DYRK3: variants seen among roughly 807,000 people sequenced by gnomAD.
DYRK3 encodes the protein dual specificity tyrosine-phosphorylation-regulated kinase 3.
A neutral mutation model predicts 40.8 loss-of-function variants in DYRK3; 30 were observed. That is an observed-to-expected ratio of 0.74 (90% CI 0.55 to 1.00). DYRK3 has a LOEUF of 1.00. Among genes scored for constraint, DYRK3 ranks in the 50% least tolerant of loss-of-function variants. DYRK3 has a pLI of 0.00. For missense variants in DYRK3, 699 were observed against 731.5 expected (o/e 0.96, Z 0.51); for synonymous variants, 272 against 260.7 (o/e 1.04, Z -0.42).
Position 206,647,718 on chromosome 1 carries a change from A to G in DYRK3, c.520A>G (p.Asn174Asp). 6.2e-7 allele frequency: 1 copy of G among 1,614,180 alleles called. No homozygotes were observed. Among genetic ancestry groups the G allele is most frequent in the Non-Finnish European group, 8.5e-7 (1 of 1,180,038 alleles). The change falls in exon 3 of 3, where the codon AAT (asparagine) becomes GAT (aspartate). Residue 174 changes from asparagine (N) to aspartate (D), a missense_variant. Transcript: ENST00000367109. ...TCCAGAAATTTACTTTGTAGGTCCA[A>G]ATGCCAAGAAAAGACATGGAGTTAT... ...NYPEIYFVGP[N>D]AKKRHGVIGG...
intron 2 of DYRK3, among the ~76,000 whole-genome samples, chr1:206,642,527 C>A (rs1671320432): frequency 6.6e-6 from 1 of 152,164 alleles, no homozygotes; most frequent in Non-Finnish European, 1.5e-5. Flanking sequence ...TTGGAACCAA[C>A]CCACATGTTC....
chr1:206,639,555 G>A (rs542203167), intron 2 of DYRK3, among the ~76,000 whole-genome samples: 23 of 141,236 alleles, frequency 1.6e-4, no homozygotes, highest in African/African-American at 5.0e-4. Context: ...GCAACCTCCC[G>A]GGTTCAAGTG....
chr1:206,637,022 A>G (rs1553418488), intron 1 of DYRK3: 1 of 1,343,730 alleles, frequency 7.4e-7, no homozygotes, highest in Admixed American at 1.7e-5. Context: ...TTGCTGTAGT[A>G]CTTACTGTAT....
In DYRK3 at chr1:206,647,878, A is replaced by G. The variant is rs573734568; in HGVS notation, c.680A>G (p.Tyr227Cys). The change falls in exon 3 of 3, where the codon TAT (tyrosine) becomes TGT (cysteine). Residue 227 changes from tyrosine (Y) to cysteine (C), a missense_variant. Transcript: ENST00000367109. ...AGTTTTGGGCAGGTGGCCAGGGTCT[A>G]TGATCACAAACTTCGACAGTACGTG... The part of the protein sequence containing the change: ...KGSFGQVARV[Y>C]DHKLRQYVAL... 36 of 1,614,108 alleles carry G rather than the reference A, an allele frequency of 2.2e-5. No individual in the cohort carries two copies. The highest frequency in any genetic ancestry group is 1.1e-4 in the East Asian group (5 of 44,868).
chr1:206,648,251 C>G lies in DYRK3; in HGVS notation c.1053C>G (p.Thr351=), dbSNP rs782481627. ...ILLKHHGRSS[T]KVIDFGSSCF... is the part of the protein sequence containing the mutation. The stretch of plus-strand genomic sequence containing the variant: ...TGAAACACCACGGGCGCAGTTCAAC[C>G]AAGGTCATTGACTTTGGGTCCAGCT... The change falls in exon 3 of 3, where the codon ACC becomes ACG. Residue 351 remains threonine (T), a synonymous_variant. Transcript: ENST00000367109. 3.7e-6 allele frequency: 6 copies of G among 1,614,158 alleles called. 1 individual carries two copies. In the South Asian group the frequency reaches 5.5e-5, roughly 15 times the overall value.
rs1553421593 is a variant in DYRK3 at position 206,653,890 on chromosome 1, C to T, written c.*4925C>T. Among the ~76,000 whole-genome samples the T allele has an allele frequency of 2.0e-5, 3 of 152,160 alleles. No homozygotes were observed. The highest frequency in any genetic ancestry group is 7.2e-5 in the African/African-American group (3 of 41,434). ...ACAGGTTAGCTGGCTAATGTCATTA[C>T]AATTTAGTTTTTGTGACAATCTGTT... On this transcript the variant is annotated 3_prime_UTR_variant, in exon 3 of 3. Coordinates refer to ENST00000367109, the MANE Select transcript of DYRK3 (RefSeq NM_003582.4).
At position 206,652,024 on chromosome 1, in the gene DYRK3, GAC is replaced by G. The variant is rs1438799387; in HGVS notation, c.*3062_*3063del. 2.6e-5 allele frequency among the ~76,000 whole-genome samples: 4 copies of G among 152,276 alleles called. No individual in the cohort carries two copies. In the South Asian group the frequency reaches 6.2e-4, roughly 24 times the overall value. ...AGCCAGCAGCAGTGTCAAGACAGCTGACACTGTCTTCCAAGAGTGAATGCATT... is the reference window on the plus strand; with the variant it reads ...AGCCAGCAGCAGTGTCAAGACAGCTGACTGTCTTCCAAGAGTGAATGCATT... On this transcript the variant is annotated 3_prime_UTR_variant, in exon 3 of 3. Coordinates refer to ENST00000367109, the MANE Select transcript of DYRK3 (RefSeq NM_003582.4).
In DYRK3 at chr1:206,635,759, G is replaced by A. The variant is rs201210204; in HGVS notation, c.56G>A (p.Gly19Glu). Residue 19 changes from glycine (G) to glutamate (E), a missense_variant, in exon 1 of 3, where the codon GGG (glycine) becomes GAG (glutamate). Gly to Glu is a moderately conservative substitution (Grantham distance 98, BLOSUM62 -2). Coordinates refer to ENST00000367109, the MANE Select transcript of DYRK3 (RefSeq NM_003582.4). ...AAGGATGCGGGGCCGCCTGGGGCCG[G>A]GCTCCCGCCCCAGCAGCGGAGGTAA... ...GRKDAGPPGA[G>E]LPPQQRRLGD... 3 of 1,244,700 alleles carry A rather than the reference G, an allele frequency of 2.4e-6. No individual in the cohort carries two copies. The highest frequency in any genetic ancestry group is 8.4e-5 in the Admixed American group (2 of 23,750). 77.1% of individuals were successfully genotyped at this position (1,244,700 alleles called of 1,614,324 possible).
chr1:206,646,367 T>C (rs1010329614), intron 2 of DYRK3, among the ~76,000 whole-genome samples: 1 of 152,208 alleles, frequency 6.6e-6, no homozygotes, highest in Non-Finnish European at 1.5e-5. Context: ...GTTCAAAGAA[T>C]CTTAATTCAG....
intron 2 of DYRK3, 146 bp downstream of exon 2, chr1:206,637,907 G>T: frequency 3.4e-6 from 2 of 579,776 alleles, no homozygotes; most frequent in Non-Finnish European, 6.0e-6. Flanking sequence ...GAATAACAAT[G>T]TCTGTGGTCC....
Position 206,649,189 on chromosome 1 carries a change from G to A in DYRK3, c.*224G>A, listed in dbSNP as rs1469256134. ...ATATGCATTAAATGACTTTTTATAG[G>A]TCAATGCATCTTTGTTATTATCGTC... On this transcript the variant is annotated 3_prime_UTR_variant, in exon 3 of 3. Transcript: ENST00000367109. 7 of 496,292 alleles carry A rather than the reference G, an allele frequency of 1.4e-5. No individual in the cohort carries two copies. Among genetic ancestry groups the A allele is most frequent in the Non-Finnish European group, 2.5e-5 (7 of 280,910 alleles). The allele number at this position is 496,292 out of a possible 1,614,324, so 30.7% of individuals were successfully genotyped here.
At position 206,648,686 on chromosome 1, in the gene DYRK3, A is replaced by T. The variant is rs1209270227; in HGVS notation, c.1488A>T (p.Ile496=). ...AAGGGTGTGATGACTACTTGTTTAT[A>T]GAGTTCTTGAAAAGGTGTCTTCACT... ...ALKGCDDYLF[I]EFLKRCLHWD... is the part of the protein sequence containing the mutation. The change falls in exon 3 of 3, where the codon ATA becomes ATT. Residue 496 remains isoleucine, a synonymous_variant. Coordinates refer to ENST00000367109, the MANE Select transcript of DYRK3 (RefSeq NM_003582.4). The T allele has an allele frequency of 1.9e-6, 3 of 1,613,884 alleles. No homozygotes were observed. The highest frequency in any genetic ancestry group is 2.5e-6 in the Non-Finnish European group (3 of 1,179,946).
At position 206,654,519 on chromosome 1, in the gene DYRK3, C is replaced by T. The variant is rs1164529810; in HGVS notation, c.*5554C>T. On this transcript the variant is annotated 3_prime_UTR_variant, in exon 3 of 3. Transcript: ENST00000367109. ...CTAGTTTTAAATATATTTTTAATATCCCCATTTTAACATACTCCATTTTCA... is the reference window on the plus strand; with the variant it reads ...CTAGTTTTAAATATATTTTTAATATTCCCATTTTAACATACTCCATTTTCA... Among the ~76,000 whole-genome samples, 1 of 152,204 alleles carries T rather than the reference C, an allele frequency of 6.6e-6. No individual in the cohort carries two copies. The highest frequency in any genetic ancestry group is 1.5e-5 in the Non-Finnish European group (1 of 68,042).
At chr1:206,636,855 T>A (rs1406641689) in intron 1 of DYRK3, 1 of 1,532,814 alleles carries the variant, frequency 6.5e-7, no homozygotes, top group African/African-American at 1.4e-5. Flanking sequence ...ATCCTCTCCG[T>A]CTTTTGTGTT....
chr1:206,635,666 A>C lies in DYRK3; in HGVS notation c.-38A>C, dbSNP rs1249743224. ...GGTGGCGTGGCCGACCGGACCCCCA[A>C]CTGGCGCCTCTCCCCGCGCGGGGTC... On this transcript the variant is annotated 5_prime_UTR_variant, in exon 1 of 3. Coordinates refer to ENST00000367109, the MANE Select transcript of DYRK3 (RefSeq NM_003582.4). 1 of 1,245,208 alleles carries C rather than the reference A, an allele frequency of 8.0e-7. No homozygotes were observed. Among genetic ancestry groups the C allele is most frequent in the South Asian group, 4.0e-5 (1 of 25,116 alleles). The allele number at this position is 1,245,208 out of a possible 1,614,324, so 77.1% of individuals were successfully genotyped here. A position where few individuals can be genotyped will look rare whatever the true frequency, so the allele number is the denominator to read the frequency against.
chr1:206,645,867 T>C (rs1671436939), intron 2 of DYRK3, among the ~76,000 whole-genome samples: 2 of 152,070 alleles, frequency 1.3e-5, no homozygotes, highest in Admixed American at 6.6e-5. Flanking sequence ...ATTTATTTTT[T>C]TGAGACGGAG....
At chr1:206,646,308 T>G (rs1671453874) in intron 2 of DYRK3, among the ~76,000 whole-genome samples, 1 of 152,180 alleles carries the variant, frequency 6.6e-6, no homozygotes, top group African/African-American at 2.4e-5. Flanking sequence ...GGTGTTTGGT[T>G]GTTTTTGTCC....
At position 206,649,006 on chromosome 1, in the gene DYRK3, T is replaced by TA; in HGVS notation, c.*42dup. On this transcript the variant is annotated 3_prime_UTR_variant, in exon 3 of 3. Transcript: ENST00000367109. ...CCAGAGATGCATATGTGTATATTTT[T>TA]ATGATCTTACAAACCTGCAAATGGA... 6.6e-7 allele frequency: 1 copy of TA among 1,524,868 alleles called. No homozygotes were observed. The allele number at this position is 1,524,868 out of a possible 1,614,324, so 94.5% of individuals were successfully genotyped here.
chr1:206,640,177 C>T (rs1181673591), intron 2 of DYRK3, among the ~76,000 whole-genome samples: 1 of 151,702 alleles, frequency 6.6e-6, no homozygotes, highest in Non-Finnish European at 1.5e-5. Context: ...CTCAGGTCAT[C>T]CACCCACCTC....
Sources: gnomAD v4.1 joint callset for allele counts (sites outside exome capture counted in the v4.1 genomes callset) on GRCh38, gnomAD v4.1.1 for gene constraint, MANE v1.5 for transcripts, NCBI Gene and HGNC (gene_info 2026-07-23, HGNC 2026-07-21) for gene names.